The following GSDMA variants were observed in gnomAD, a reference collection of about 807,000 sequenced individuals.
The protein encoded by GSDMA is gasdermin-A.
Under a neutral mutation model 54.3 loss-of-function variants are expected in GSDMA, and 55 were observed. The observed-to-expected ratio is 1.01, with a 90% CI of 0.82 to 1.27. GSDMA has a LOEUF of 1.27. Ranked by LOEUF, GSDMA falls within the 50% of genes most tolerant of loss-of-function variation. The probability of loss-of-function intolerance (pLI) is 0.00; values close to 1 mark genes in which losing one functional copy is unlikely to be tolerated. For synonymous variants in GSDMA, 211 were observed against 224.7 expected, an observed-to-expected ratio of 0.94 and a Z score of 0.54; for missense variants, 542 against 542.6, an observed-to-expected ratio of 1.00 and a Z score of 0.01.
intron 6 of GSDMA, 88 bp downstream of exon 6, chr17:39,972,264 A>G (rs1979988401): frequency 4.4e-6 from 4 of 916,398 alleles, no homozygotes; most frequent in Admixed American, 4.1e-5. Context: ...CCTAGCTTAT[A>G]CTATAATCCC....
intron 8 of GSDMA, 68 bp downstream of exon 8, chr17:39,973,898 A>G: frequency 1.5e-6 from 2 of 1,375,996 alleles, no homozygotes; most frequent in Non-Finnish European, 2.1e-6. Flanking sequence ...GAGAGAGGAG[A>G]AGGCGAAGTC....
At chr17:39,974,515 G>A (rs1192774684) in intron 9 of GSDMA, 88 bp downstream of exon 9, 1 of 1,392,192 alleles carries the variant, frequency 7.2e-7, no homozygotes, top group Non-Finnish European at 9.7e-7. Context: ...CAGGTAGGGA[G>A]ATCTGACGGG....
Position 39,977,384 on chromosome 17 carries a change from C to T in GSDMA, c.*326C>T, listed in dbSNP as rs1284146363. 8 of 199,972 alleles carry T rather than the reference C, an allele frequency of 4.0e-5. No individual in the cohort carries two copies. The highest frequency in any genetic ancestry group is 8.1e-5 in the Non-Finnish European group (8 of 98,580). 12.4% of individuals were successfully genotyped at this position (199,972 alleles called of 1,614,324 possible). On this transcript the variant is annotated 3_prime_UTR_variant, in exon 12 of 12. Transcript: ENST00000301659. Reference sequence around the variant, plus strand: ...TTGGCTCACTGCAACCTCCGCCTCCCAGGTTCAAGCAATTCTCCTGCCTCA... The same window carrying T: ...TTGGCTCACTGCAACCTCCGCCTCCTAGGTTCAAGCAATTCTCCTGCCTCA...
At chr17:39,972,463 T>A in intron 6 of GSDMA, 124 bp from the exon 7 acceptor site, 1 of 884,468 alleles carries the variant, frequency 1.1e-6, no homozygotes, top group Non-Finnish European at 1.8e-6. Flanking sequence ...TGGGGGTGGA[T>A]GAGCTAGCAT....
chr17:39,971,703 A>G, intron 5 of GSDMA, 83 bp downstream of exon 5: 1 of 939,418 alleles, frequency 1.1e-6, no homozygotes, highest in Non-Finnish European at 1.7e-6. Flanking sequence ...CTCTTGCGGA[A>G]ATGTCAGAGA....
chr17:39,971,460 A>G (rs3916061), intron 4 of GSDMA, 64 bp from the exon 5 acceptor site: 1,198,260 of 1,306,602 alleles, frequency 0.92, 550,429 homozygotes, highest in Middle Eastern at 0.95. Context: ...CCCCCAACTC[A>G]CGCTCCCAAT....
intron 3 of GSDMA, 22 bp downstream of exon 3, chr17:39,966,459 G>C (rs367752262): frequency 1.3e-6 from 2 of 1,569,892 alleles, no homozygotes; most frequent in African/African-American, 2.7e-5. Context: ...CGGGACTGAG[G>C]GTCTCCCGGG....
At position 39,975,783 on chromosome 17, in the gene GSDMA, C is replaced by T. The variant is rs1203227271; in HGVS notation, c.1022-141C>T. On this transcript the variant is annotated intron_variant, in intron 10 of 11. Transcript: ENST00000301659. ...CCTCCGACTCCAAGACCAAAGTGGACCCCTCAGCTATGGCTCCCTTAACAC... is the reference window on the plus strand; with the variant it reads ...CCTCCGACTCCAAGACCAAAGTGGATCCCTCAGCTATGGCTCCCTTAACAC... 6 of 555,422 alleles carry T rather than the reference C, an allele frequency of 1.1e-5. No homozygotes were observed. The Admixed American group carries it at 2.0e-4, about 18-fold the overall frequency. The allele number at this position is 555,422 out of a possible 1,614,324, so 34.4% of individuals were successfully genotyped here. A position where few individuals can be genotyped will look rare whatever the true frequency, so the allele number is the denominator to read the frequency against.
In GSDMA at chr17:39,965,770, T is replaced by A. The variant is rs776013745; in HGVS notation, c.83T>A (p.Ile28Asn). The change falls in exon 2 of 12, where the codon ATC (isoleucine) becomes AAC (asparagine). Residue 28 changes from isoleucine (I) to asparagine (N), a missense_variant. By Grantham distance (149) the Ile-to-Asn change is moderately radical. Coordinates refer to ENST00000301659, the MANE Select transcript of GSDMA (RefSeq NM_178171.5). ...RGDLTPLDSL[I>N]DFKRFHPFCL... ...GACCTGACACCACTTGACAGCCTCA[T>A]CGACTTCAAGCGCTTCCATCCCTTC... 2.0e-5 allele frequency: 32 copies of A among 1,611,272 alleles called. No individual in the cohort carries two copies. The highest frequency in any genetic ancestry group is 2.6e-5 in the Non-Finnish European group (31 of 1,178,792).
At chr17:39,973,727 C>G in intron 7 of GSDMA, 83 bp from the exon 8 acceptor site, 1 of 1,157,298 alleles carries the variant, frequency 8.6e-7, no homozygotes, top group Non-Finnish European at 1.3e-6. Context: ...ATTTCCTCAT[C>G]TTCCTTAGTG....
chr17:39,966,220 C>A, intron 2 of GSDMA, 40 bp from the exon 3 acceptor site: 2 of 1,608,002 alleles, frequency 1.2e-6, no homozygotes, highest in Middle Eastern at 1.7e-4. Context: ...AGTTACTGCA[C>A]CCAGCCAGCC....
At position 39,969,154 on chromosome 17, in the gene GSDMA, C is replaced by G. The variant is rs548524450; in HGVS notation, c.393-1328C>G. On this transcript the variant is annotated intron_variant, in intron 3 of 11. Transcript: ENST00000301659. ...GATTGCTTGAGCCCAGGAGTTCAAA[C>G]CAGCCTGGGCAAGAGAGTGAAACCC... 2.0e-5 allele frequency among the ~76,000 whole-genome samples: 3 copies of G among 152,082 alleles called. No individual in the cohort carries two copies. The East Asian group carries it at 5.8e-4, about 29-fold the overall frequency.
intron 1 of GSDMA, among the ~76,000 whole-genome samples, chr17:39,963,818 C>T (rs937888871): frequency 6.6e-6 from 1 of 152,122 alleles, no homozygotes; most frequent in Non-Finnish European, 1.5e-5. Flanking sequence ...CATGCCATTG[C>T]ACTCCAGCCT....
chr17:39,965,642 G>A, intron 1 of GSDMA, 41 bp from the exon 2 acceptor site: 1 of 1,514,518 alleles, frequency 6.6e-7, no homozygotes, highest in South Asian at 1.2e-5. Flanking sequence ...TGGCAGCCTT[G>A]GCAGCCACCT....
In GSDMA at chr17:39,977,100, C is replaced by T; in HGVS notation, c.*42C>T. 1 of 1,606,982 alleles carries T rather than the reference C, an allele frequency of 6.2e-7. No individual in the cohort carries two copies. Among genetic ancestry groups the T allele is most frequent in the Non-Finnish European group, 8.5e-7 (1 of 1,175,364 alleles). On this transcript the variant is annotated 3_prime_UTR_variant, in exon 12 of 12. Coordinates refer to ENST00000301659, the MANE Select transcript of GSDMA (RefSeq NM_178171.5). ...GCTTCATGACTCCCTAATGCCTTCCCAACCTCGTGGTGCTGTGTCCTTACC... is the reference window on the plus strand; with the variant it reads ...GCTTCATGACTCCCTAATGCCTTCCTAACCTCGTGGTGCTGTGTCCTTACC...
At chr17:39,972,720 T>A in intron 7 of GSDMA, 107 bp downstream of exon 7, 1 of 991,132 alleles carries the variant, frequency 1.0e-6, no homozygotes, top group Non-Finnish European at 1.6e-6. Context: ...GCAGAGCGAA[T>A]CTCAGCAAAT....
intron 3 of GSDMA, among the ~76,000 whole-genome samples, chr17:39,968,283 G>A (rs925728700): frequency 6.9e-6 from 1 of 144,614 alleles, no homozygotes; most frequent in Non-Finnish European, 1.5e-5. Context: ...GAGGTGATCC[G>A]CCTGCCTCAG....
At chr17:39,966,977 T>G (rs1979698514) in intron 3 of GSDMA, among the ~76,000 whole-genome samples, 1 of 132,092 alleles carries the variant, frequency 7.6e-6, no homozygotes, top group African/African-American at 2.6e-5. Flanking sequence ...GGTGCCACAT[T>G]GATGCTGGGC....
intron 2 of GSDMA, 125 bp downstream of exon 2, chr17:39,966,026 C>G: frequency 1.1e-6 from 1 of 920,800 alleles, no homozygotes; most frequent in South Asian, 1.6e-5. Flanking sequence ...AGCCCAAAGT[C>G]ATCATCAGGA....
Sources: allele counts gnomAD v4.1 joint callset (sites outside exome capture counted in the v4.1 genomes callset), GRCh38; gene constraint gnomAD v4.1.1; transcripts MANE v1.5; gene names NCBI Gene and HGNC (gene_info 2026-07-23, HGNC 2026-07-21).